The following KLHL29 variants were observed in gnomAD, a reference collection of about 807,000 sequenced individuals.
KLHL29 encodes the protein kelch-like protein 29.
KLHL29 carries 21 observed loss-of-function variants against 80.4 expected under a neutral mutation model. The observed-to-expected ratio is 0.26, with a 90% CI of 0.19 to 0.38. KLHL29 has a LOEUF of 0.38. KLHL29 is among the 10% of genes least tolerant of loss of function. KLHL29 has a pLI of 1.00. For missense variants in KLHL29, 867 were observed against 1,223.9 expected (o/e 0.71, Z 4.35); for synonymous variants, 511 against 526.8 (o/e 0.97, Z 0.41).
At position 23,385,196 on chromosome 2, in the gene KLHL29, G is replaced by C. The variant is rs1395586378; in HGVS notation, c.-738G>C. 1.3e-5 allele frequency: 2 copies of C among 148,668 alleles called. No homozygotes were observed. Among genetic ancestry groups the C allele is most frequent in the Non-Finnish European group, 3.0e-5 (2 of 66,464 alleles). 9.2% of individuals were successfully genotyped at this position (148,668 alleles called of 1,614,324 possible). ...GCTAAAGCAGACGGTACCCGGAGCG[G>C]AGCGAGCCAGAAGGGAGCATGGTCC... is the stretch of plus-strand genomic sequence containing the variant. On this transcript the variant is annotated 5_prime_UTR_variant, in exon 1 of 14. Transcript: ENST00000486442.
At chr2:23,473,275 G>A (rs1002409961) in intron 1 of KLHL29, among the ~76,000 whole-genome samples, 4 of 152,122 alleles carry the variant, frequency 2.6e-5, no homozygotes, top group Non-Finnish European at 4.4e-5. Context: ...TCCAAAACAT[G>A]AGGGATGCTC....
chr2:23,414,273 G>T (rs1029998069), intron 1 of KLHL29, among the ~76,000 whole-genome samples: 1 of 152,294 alleles, frequency 6.6e-6, no homozygotes, highest in East Asian at 1.9e-4. Context: ...CCGGCCCCCT[G>T]CAGGGAAGGT....
chr2:23,525,164 C>A (rs1426696602), intron 2 of KLHL29, among the ~76,000 whole-genome samples: 1 of 152,188 alleles, frequency 6.6e-6, no homozygotes, highest in South Asian at 2.1e-4. Flanking sequence ...ATTCCTGTCT[C>A]GGCACGTAGG....
At position 23,477,251 on chromosome 2, in the gene KLHL29, T is replaced by A. The variant is rs114730166; in HGVS notation, c.-46+1584T>A. On this transcript the variant is annotated intron_variant, in intron 2 of 13. Transcript: ENST00000486442. ...GCCTTGGACCAAACTCCAGCTTCCC[T>A]CTGCAGCAGGGGCAGAACATCAGAC... Among the ~76,000 whole-genome samples, 389 of 152,368 alleles carry A rather than the reference T, an allele frequency of 2.6e-3. 3 individuals carry two copies. The highest frequency in any genetic ancestry group is 9.0e-3 in the African/African-American group (376 of 41,588).
intron 1 of KLHL29, among the ~76,000 whole-genome samples, chr2:23,424,519 G>C (rs1013318025): frequency 3.3e-5 from 5 of 152,208 alleles, no homozygotes; most frequent in African/African-American, 1.2e-4. Context: ...CATTTATGTG[G>C]AGCCACCCCA....
chr2:23,475,717 G>A (rs1249395903), intron 2 of KLHL29, 50 bp downstream of exon 2: 1 of 166,738 alleles, frequency 6.0e-6, no homozygotes, highest in Non-Finnish European at 1.5e-5. Context: ...TCAGACCTGA[G>A]CATAGCCAGC....
Position 23,706,471 on chromosome 2 carries a change from C to A in KLHL29, c.2445-10C>A. ...AAATGCCTAACTCTGTCCCCGCTTT[C>A]CCCCAACAGTGCTGTGGTGCTTGAT... On this transcript the variant is annotated splice_polypyrimidine_tract_variant and intron_variant, in intron 13 of 13. Transcript: ENST00000486442. 1 of 1,476,866 alleles carries A rather than the reference C, an allele frequency of 6.8e-7. No homozygotes were observed. Among genetic ancestry groups the A allele is most frequent in the South Asian group, 1.4e-5 (1 of 74,008 alleles). The allele number at this position is 1,476,866 out of a possible 1,614,324, so 91.5% of individuals were successfully genotyped here.
In KLHL29 at chr2:23,670,192, G is replaced by A. The variant is rs138831169; in HGVS notation, c.941-14207G>A. The A allele has an allele frequency of 3.1e-3, 468 of 152,402 alleles. 2 individuals are homozygous for A. The highest frequency in any genetic ancestry group is 5.3e-3 in the Non-Finnish European group (360 of 68,180). 9.4% of individuals were successfully genotyped at this position (152,402 alleles called of 1,614,324 possible). A position where few individuals can be genotyped will look rare whatever the true frequency, so the allele number is the denominator to read the frequency against. On this transcript the variant is annotated intron_variant, in intron 5 of 13. Transcript: ENST00000486442. ...GCGGCGGCTCCACCTACCTGAGCTCGCGGGCTAACTGGAAGACAGGATTCA... is the reference window on the plus strand; with the variant it reads ...GCGGCGGCTCCACCTACCTGAGCTCACGGGCTAACTGGAAGACAGGATTCA...
chr2:23,387,536 T>C (rs1382937063), intron 1 of KLHL29, among the ~76,000 whole-genome samples: 4 of 110,836 alleles, frequency 3.6e-5, no homozygotes, highest in Non-Finnish European at 5.8e-5. Context: ...TTATTATTAT[T>C]ATTATTATTA....
rs954547912 is a variant in KLHL29, at chr2:23,626,160, A to T, written c.286-12979A>T. On this transcript the variant is annotated intron_variant, in intron 3 of 13. Transcript: ENST00000486442. ...TCCGATCATCAGACATTAGATTCTC[A>T]TAAGGAGTACACAACCTGGATCCCT... 9.2e-5 allele frequency among the ~76,000 whole-genome samples: 14 copies of T among 152,352 alleles called. No individual in the cohort carries two copies. In the East Asian group the frequency reaches 2.7e-3, roughly 29 times the overall value.
chr2:23,471,540 C>G (rs185383812), intron 1 of KLHL29, among the ~76,000 whole-genome samples: 6 of 152,250 alleles, frequency 3.9e-5, no homozygotes, highest in Admixed American at 2.6e-4. Flanking sequence ...AATGCCTTGT[C>G]AAAGTCAATT....
chr2:23,423,326 C>T (rs1662893216), intron 1 of KLHL29, among the ~76,000 whole-genome samples: 1 of 152,212 alleles, frequency 6.6e-6, no homozygotes, highest in African/African-American at 2.4e-5. Flanking sequence ...CCGGGCCTGA[C>T]CTCCCCAGGC....
intron 5 of KLHL29, chr2:23,668,996 T>C (rs13397566): frequency 0.12 from 18,170 of 152,354 alleles, 1,230 homozygotes; most frequent in East Asian, 0.18. Flanking sequence ...GCAGGAAGGC[T>C]GTGGCCCATG....
intron 5 of KLHL29, among the ~76,000 whole-genome samples, chr2:23,654,695 T>TGA (rs769363801): frequency 2.9e-5 from 1 of 34,220 alleles, no homozygotes; most frequent in Non-Finnish European, 7.4e-5. Flanking sequence ...GGAACAGAGG[T>TGA]TGGGGGGGGG....
At chr2:23,447,630 CT>C (rs1398580044) in intron 1 of KLHL29, among the ~76,000 whole-genome samples, 1 of 152,234 alleles carries the variant, frequency 6.6e-6, no homozygotes, top group Non-Finnish European at 1.5e-5. Context: ...CCAGGCTCCC[CT>C]GAGTCTCAGT....
At chr2:23,686,578 TGTCACGGGCATCAGAG>T (rs1351771636) in intron 6 of KLHL29, among the ~76,000 whole-genome samples, 113 of 151,532 alleles carry the variant, frequency 7.5e-4, no homozygotes, top group African/African-American at 2.5e-3. Context: ...GGAGGTGAGG[TGTCACGGGCATCAGAG>T]GTCACGGGCA....
chr2:23,421,156 A>G (rs1333757277), intron 1 of KLHL29, among the ~76,000 whole-genome samples: 2 of 152,026 alleles, frequency 1.3e-5, no homozygotes, highest in East Asian at 1.9e-4. Context: ...ATTCCACTCA[A>G]TGTTTCTTCC....
At chr2:23,429,384 T>C (rs534364932) in intron 1 of KLHL29, among the ~76,000 whole-genome samples, 1 of 152,278 alleles carries the variant, frequency 6.6e-6, no homozygotes, top group Non-Finnish European at 1.5e-5. Flanking sequence ...GACAGAGCTT[T>C]GGTTGTGGGG....
chr2:23,513,559 T>G (rs1665837136), intron 2 of KLHL29, among the ~76,000 whole-genome samples: 1 of 152,224 alleles, frequency 6.6e-6, no homozygotes, highest in Non-Finnish European at 1.5e-5. Context: ...TAAACTTGAC[T>G]TTTCTACATT....
Sources: gnomAD v4.1 joint callset for allele counts (sites outside exome capture counted in the v4.1 genomes callset) on GRCh38, gnomAD v4.1.1 for gene constraint, MANE v1.5 for transcripts, NCBI Gene and HGNC (gene_info 2026-07-23, HGNC 2026-07-21) for gene names.